Variants in NDUFAF7 observed in about 807,000 individuals in gnomAD.
The protein encoded by NDUFAF7 is NADH:ubiquinone oxidoreductase complex assembly factor 7.
NDUFAF7 carries 48 observed loss-of-function variants against 47.2 expected under a neutral mutation model. The observed-to-expected ratio is 1.02, with a 90% CI of 0.81 to 1.29. The LOEUF is 1.29. Among genes scored for constraint, NDUFAF7 ranks in the 50% most tolerant of loss-of-function variants. The pLI, the probability that NDUFAF7 is intolerant of heterozygous loss-of-function variation, is 0.00. For synonymous variants in NDUFAF7, 217 were observed against 190.0 expected (o/e 1.14, Z -1.17); for missense variants, 635 against 537.6 (o/e 1.18, Z -1.79).
At chr2:37,254,433 T>C (rs945539547), downstream of NDUFAF7, 2 of 634,206 alleles carry the variant, frequency 3.2e-6, no homozygotes, top group Middle Eastern at 5.3e-4. Flanking sequence ...TTAGCTAACA[T>C]GTAAAATGAA....
intron 3 of NDUFAF7, among the ~76,000 whole-genome samples, chr2:37,236,907 A>G (rs942431352): frequency 6.6e-6 from 1 of 152,062 alleles, no homozygotes; most frequent in Non-Finnish European, 1.5e-5. Context: ...GAATTAGTGG[A>G]ATTAAGAGAA....
At chr2:37,231,914 CA>C in intron 1 of NDUFAF7, 154 bp downstream of exon 1, 2 of 1,590,454 alleles carry the variant, frequency 1.3e-6, no homozygotes, top group Non-Finnish European at 1.7e-6. Context: ...GGTACAAACG[CA>C]ATAGGGCTGC....
the NDUFAF7 span, among the ~76,000 whole-genome samples, chr2:37,266,484 C>T: frequency 6.7e-6 from 1 of 149,082 alleles, no homozygotes; most frequent in South Asian, 2.1e-4. Context: ...TGCCACCACA[C>T]CCGGCTTTTT....
the NDUFAF7 span, among the ~76,000 whole-genome samples, chr2:37,259,203 G>A: frequency 1.3e-5 from 2 of 152,148 alleles, no homozygotes; most frequent in Non-Finnish European, 2.9e-5. Context: ...ATAGAAAAAG[G>A]AGGTGGCTGC....
At chr2:37,268,322 CTGA>C in the NDUFAF7 span, 1 of 470,954 alleles carries the variant, frequency 2.1e-6, no homozygotes, top group Non-Finnish European at 4.4e-6. Context: ...CTTTGTTCCT[CTGA>C]TGACAGGAAG....
At chr2:37,243,057 G>T (rs1259138626) in intron 6 of NDUFAF7, among the ~76,000 whole-genome samples, 1 of 152,058 alleles carries the variant, frequency 6.6e-6, no homozygotes, top group Non-Finnish European at 1.5e-5. Context: ...GAACTCCAGG[G>T]CTCAAGTGTT....
At chr2:37,253,399 G>A (rs780200662), downstream of NDUFAF7, 5 of 1,494,794 alleles carry the variant, frequency 3.3e-6, no homozygotes, top group East Asian at 6.9e-5. Context: ...ACAAAATACT[G>A]TCAACCTGGT....
At chr2:37,234,195 T>C (rs2148386142) in intron 2 of NDUFAF7, among the ~76,000 whole-genome samples, 1 of 152,282 alleles carries the variant, frequency 6.6e-6, no homozygotes, top group East Asian at 1.9e-4. Flanking sequence ...GTTCAAAGGA[T>C]TCTTGTGCCT....
chr2:37,267,543 AG>A, the NDUFAF7 span: 1 of 1,583,132 alleles, frequency 6.3e-7, no homozygotes, highest in African/African-American at 1.3e-5. Context: ...TTTCCTATTA[AG>A]AAAAAAAGAA....
At chr2:37,265,018 A>G in the NDUFAF7 span, among the ~76,000 whole-genome samples, 5 of 152,166 alleles carry the variant, frequency 3.3e-5, no homozygotes, top group Non-Finnish European at 5.9e-5. Context: ...AATATGCGCA[A>G]TCTTCACCCC....
chr2:37,234,335 G>A (rs535162636), intron 2 of NDUFAF7, among the ~76,000 whole-genome samples: 2 of 152,200 alleles, frequency 1.3e-5, no homozygotes, highest in South Asian at 2.1e-4. Context: ...CATATGATCC[G>A]CCTGTCTCAG....
rs923373696 is a variant in NDUFAF7 at position 37,249,034 on chromosome 2, G to A, written c.*684G>A. On this transcript the variant is annotated 3_prime_UTR_variant, in exon 10 of 10. Transcript: ENST00000002125. ...TTTTTTAAATGAGCTAGGGCAATAT[G>A]TTTTGACAGAAAACTCTCTAAGATT... The A allele has an allele frequency of 1.2e-4, 18 of 152,280 alleles. No individual in the cohort carries two copies. The highest frequency in any genetic ancestry group is 1.1e-3 in the Admixed American group (17 of 15,292). 9.4% of individuals were successfully genotyped at this position (152,280 alleles called of 1,614,324 possible).
chr2:37,266,933 C>T, the NDUFAF7 span, among the ~76,000 whole-genome samples: 1 of 152,156 alleles, frequency 6.6e-6, no homozygotes, highest in African/African-American at 2.4e-5. Context: ...TGACCGCCCC[C>T]AAGGGGTAAA....
downstream of NDUFAF7, chr2:37,257,043 T>G (rs1218925387): frequency 1.7e-6 from 2 of 1,147,178 alleles, no homozygotes; most frequent in African/African-American, 1.6e-5. Context: ...CTCTACTGAT[T>G]ATGAATATTA....
chr2:37,250,828 C>T (rs142689216), downstream of NDUFAF7: 4 of 152,648 alleles, frequency 2.6e-5, no homozygotes, highest in African/African-American at 9.6e-5. Context: ...TGTACATTAT[C>T]AAATGTTTCT....
intron 2 of NDUFAF7, 66 bp from the exon 3 acceptor site, chr2:37,236,030 G>A: frequency 1.6e-6 from 2 of 1,230,612 alleles, no homozygotes; most frequent in Non-Finnish European, 2.4e-6. Flanking sequence ...TAAGATTTTG[G>A]AGGGGTATTT....
At position 37,241,461 on chromosome 2, in the gene NDUFAF7, C is replaced by T. The variant is rs1320583734; in HGVS notation, c.409-117C>T. 1.2e-5 allele frequency: 10 copies of T among 861,736 alleles called. No individual in the cohort carries two copies. In the East Asian group the frequency reaches 1.3e-4, roughly 11 times the overall value. 53.4% of individuals were successfully genotyped at this position (861,736 alleles called of 1,614,324 possible). A position where few individuals can be genotyped will look rare whatever the true frequency, so the allele number is the denominator to read the frequency against. On this transcript the variant is annotated intron_variant, in intron 4 of 9. Coordinates refer to ENST00000002125, the MANE Select transcript of NDUFAF7 (RefSeq NM_144736.5). ...GCTGGAGAGTGGCTTGGGTAAGGAA[C>T]ACATCTCTCTGAAATATTACCTCTA...
chr2:37,257,406 C>CT (rs1305759603), downstream of NDUFAF7, among the ~76,000 whole-genome samples: 1 of 152,072 alleles, frequency 6.6e-6, no homozygotes, highest in African/African-American at 2.4e-5. Flanking sequence ...TGGCTCACAC[C>CT]TGTAATCCCA....
the NDUFAF7 span, among the ~76,000 whole-genome samples, chr2:37,264,241 G>C: frequency 6.4e-4 from 97 of 152,212 alleles, no homozygotes; most frequent in African/African-American, 2.2e-3. Context: ...AAAAGTTAAA[G>C]GGAGTCATTC....
Sources: gnomAD v4.1 joint callset for allele counts (sites outside exome capture counted in the v4.1 genomes callset) on GRCh38, gnomAD v4.1.1 for gene constraint, MANE v1.5 for transcripts, NCBI Gene and HGNC (gene_info 2026-07-23, HGNC 2026-07-21) for gene names.